The following MAN1A1 variants were observed in gnomAD, a reference collection of about 807,000 sequenced individuals.
MAN1A1 encodes the protein mannosidase alpha class 1A member 1, also known as mannosyl-oligosaccharide 1,2-alpha-mannosidase IA.
In MAN1A1, 29 loss-of-function variants were observed where a neutral mutation model predicts 70.8. That is an observed-to-expected ratio of 0.41 (90% CI 0.31 to 0.56). MAN1A1 has a LOEUF of 0.56. Among genes scored for constraint, MAN1A1 ranks in the 20% least tolerant of loss-of-function variants. The pLI, the probability that MAN1A1 is intolerant of heterozygous loss-of-function variation, is 0.29. For missense variants in MAN1A1, 747 were observed against 841.3 expected (o/e 0.89, Z 1.39); for synonymous variants, 349 against 330.1 (o/e 1.06, Z -0.62).
In MAN1A1 at chr6:119,349,747, G is replaced by A. The variant is rs974075850; in HGVS notation, c.-428C>T. 3.0e-6 allele frequency: 3 copies of A among 985,418 alleles called. No individual in the cohort carries two copies. The highest frequency in any genetic ancestry group is 3.5e-5 in the African/African-American group (2 of 57,250). The allele number at this position is 985,418 out of a possible 1,614,324, so 61.0% of individuals were successfully genotyped here. The stretch of plus-strand genomic sequence containing the variant: ...AGAGCAGCACGGTACACTCCGCCGC[G>A]GCCCCGCGAGCACTAATCTCACTGC... On this transcript the variant is annotated 5_prime_UTR_variant, in exon 1 of 13. Transcript: ENST00000368468.
At chr6:119,346,213 GTAAAGT>G (rs149672685) in intron 2 of MAN1A1, among the ~76,000 whole-genome samples, 59 of 150,256 alleles carry the variant, frequency 3.9e-4, no homozygotes, top group African/African-American at 1.2e-3. Flanking sequence ...ATCCAAATAC[GTAAAGT>G]TAAAGTCCAG....
chr6:119,187,788 G>A (rs756748867), intron 11 of MAN1A1, among the ~76,000 whole-genome samples: 1 of 152,152 alleles, frequency 6.6e-6, no homozygotes, highest in Non-Finnish European at 1.5e-5. Flanking sequence ...CAGGCATTCG[G>A]CACACAAAGC....
chr6:119,328,366 G>T (rs1773212504), intron 2 of MAN1A1, among the ~76,000 whole-genome samples: 1 of 152,176 alleles, frequency 6.6e-6, no homozygotes, highest in Non-Finnish European at 1.5e-5. Context: ...TCCAGGAAAG[G>T]TAGGCATTAT....
At chr6:119,193,685 C>T (rs915126894) in intron 9 of MAN1A1, 92 bp downstream of exon 9, 1 of 732,382 alleles carries the variant, frequency 1.4e-6, no homozygotes, top group African/African-American at 1.8e-5. Context: ...GTAACTCACT[C>T]ATGTAGTATA....
chr6:119,332,036 T>C (rs751660927), intron 2 of MAN1A1: 6 of 464,312 alleles, frequency 1.3e-5, no homozygotes, highest in Admixed American at 7.2e-5. Context: ...TAATGTCAAA[T>C]ACCCATATTC....
chr6:119,301,205 CT>C (rs1283591324), intron 4 of MAN1A1, among the ~76,000 whole-genome samples: 1 of 152,234 alleles, frequency 6.6e-6, no homozygotes, highest in African/African-American at 2.4e-5. Flanking sequence ...ATAACACACA[CT>C]GAAGTGAACG....
chr6:119,265,369 G>C (rs796273300), intron 5 of MAN1A1, among the ~76,000 whole-genome samples: 134 of 152,182 alleles, frequency 8.8e-4, no homozygotes, highest in African/African-American at 3.2e-3. Flanking sequence ...AAAGTTCTGG[G>C]ATCATAGGCA....
chr6:119,203,980 G>A (rs1014827367), intron 7 of MAN1A1, among the ~76,000 whole-genome samples: 14 of 152,074 alleles, frequency 9.2e-5, no homozygotes, highest in African/African-American at 3.4e-4. Flanking sequence ...GAGTGCTAGG[G>A]CTTTCCAATA....
At chr6:119,326,279 T>A (rs1195418011) in intron 2 of MAN1A1, among the ~76,000 whole-genome samples, 2 of 152,200 alleles carry the variant, frequency 1.3e-5, no homozygotes, top group Admixed American at 6.5e-5. Context: ...CCGAGCTGTG[T>A]CCTGGCTCCT....
At chr6:119,323,418 A>G (rs979151107) in intron 2 of MAN1A1, among the ~76,000 whole-genome samples, 1 of 152,066 alleles carries the variant, frequency 6.6e-6, no homozygotes, top group African/African-American at 2.4e-5. Context: ...TCACAATCTC[A>G]TATTTTTTTT....
At chr6:119,283,700 C>T (rs1011926421) in intron 5 of MAN1A1, among the ~76,000 whole-genome samples, 2 of 151,424 alleles carry the variant, frequency 1.3e-5, no homozygotes, top group African/African-American at 2.4e-5. Flanking sequence ...GGGCTTGGTG[C>T]GTTTTTTGGA....
At chr6:119,250,074 G>A (rs1262434103) in intron 5 of MAN1A1, among the ~76,000 whole-genome samples, 1 of 152,000 alleles carries the variant, frequency 6.6e-6, no homozygotes, top group East Asian at 1.9e-4. Context: ...GTAGTGTATG[G>A]AGAGGAGAAA....
chr6:119,206,736 T>C (rs1039512946), intron 6 of MAN1A1, among the ~76,000 whole-genome samples: 8 of 152,240 alleles, frequency 5.3e-5, no homozygotes, highest in African/African-American at 1.9e-4. Flanking sequence ...TAATTGGTCA[T>C]TAACTAGTTG....
intron 2 of MAN1A1, among the ~76,000 whole-genome samples, chr6:119,338,485 T>C (rs1773521307): frequency 6.6e-6 from 1 of 152,170 alleles, no homozygotes; most frequent in Non-Finnish European, 1.5e-5. Flanking sequence ...TAAGAACAAA[T>C]ATTTCTAGGA....
chr6:119,257,216 C>T (rs757942948), intron 5 of MAN1A1, among the ~76,000 whole-genome samples: 1 of 151,966 alleles, frequency 6.6e-6, no homozygotes, highest in African/African-American at 2.4e-5. Flanking sequence ...TTCATGATAG[C>T]GAGCAGGTGG....
chr6:119,260,405 T>C (rs1775575009), intron 5 of MAN1A1, among the ~76,000 whole-genome samples: 1 of 152,240 alleles, frequency 6.6e-6, no homozygotes, highest in African/African-American at 2.4e-5. Context: ...TTCCCTTGTT[T>C]TGATATTACA....
chr6:119,199,520 T>A (rs1773658881), intron 8 of MAN1A1, among the ~76,000 whole-genome samples: 1 of 152,086 alleles, frequency 6.6e-6, no homozygotes, highest in African/African-American at 2.4e-5. Flanking sequence ...TACTCACAGG[T>A]TGGTATTTAT....
chr6:119,305,935 G>A (rs1048638505), intron 3 of MAN1A1, among the ~76,000 whole-genome samples: 1 of 152,122 alleles, frequency 6.6e-6, no homozygotes, highest in Non-Finnish European at 1.5e-5. Context: ...TCCCAGCTCT[G>A]CCAGTTAGTA....
intron 5 of MAN1A1, among the ~76,000 whole-genome samples, chr6:119,275,679 T>C (rs1013817450): frequency 6.6e-6 from 1 of 151,962 alleles, no homozygotes; most frequent in African/African-American, 2.4e-5. Flanking sequence ...TGACCTCAGG[T>C]GATTCGCTCG....
Sources: allele counts gnomAD v4.1 joint callset (sites outside exome capture counted in the v4.1 genomes callset), GRCh38; gene constraint gnomAD v4.1.1; transcripts MANE v1.5; gene names NCBI Gene and HGNC (gene_info 2026-07-23, HGNC 2026-07-21).